The following LPP variants were observed in gnomAD, a reference collection of about 807,000 sequenced individuals.
LPP encodes the protein LIM domain containing preferred translocation partner in lipoma, also known as lipoma-preferred partner.
A neutral mutation model predicts 60.4 loss-of-function variants in LPP; 38 were observed. The observed-to-expected ratio is 0.63, with a 90% CI of 0.49 to 0.83. The LOEUF is 0.83. Among genes scored for constraint, LPP ranks in the 40% least tolerant of loss-of-function variants. The pLI, the probability that LPP is intolerant of heterozygous loss-of-function variation, is 0.00. For missense variants in LPP, 902 were observed against 783.6 expected (o/e 1.15, Z -1.80); for synonymous variants, 328 against 290.8 (o/e 1.13, Z -1.30).
At chr3:188,185,745 G>A (rs775043826) in intron 1 of LPP, among the ~76,000 whole-genome samples, 4 of 152,182 alleles carry the variant, frequency 2.6e-5, no homozygotes, top group Admixed American at 2.6e-4. Context: ...AACGGGCAGC[G>A]GCTTCCCTTC....
At chr3:188,508,788 G>A (rs1306684067) in intron 5 of LPP, among the ~76,000 whole-genome samples, 2 of 152,206 alleles carry the variant, frequency 1.3e-5, no homozygotes, top group South Asian at 2.1e-4. Flanking sequence ...GAATACATTA[G>A]TAAAGAATTC....
chr3:188,344,635 A>G lies in LPP; in HGVS notation c.-10+2916A>G, dbSNP rs560381399. ...GGTGCCATGTTTCCAAAATCATAGG[A>G]CAGTCCTATGACTCTACTGCACAGC... On this transcript the variant is annotated intron_variant, in intron 3 of 11. Transcript: ENST00000617246. 3.7e-4 allele frequency among the ~76,000 whole-genome samples: 57 copies of G among 152,188 alleles called. 1 individual carries two copies. Among genetic ancestry groups the G allele is most frequent in the Non-Finnish European group, 3.2e-4 (22 of 68,034 alleles).
At chr3:188,565,509 A>T (rs1225058702) in intron 6 of LPP, among the ~76,000 whole-genome samples, 4 of 151,992 alleles carry the variant, frequency 2.6e-5, no homozygotes, top group African/African-American at 7.2e-5. Context: ...TAAACTTCTG[A>T]TAAGCAAAAC....
At chr3:188,676,782 T>C (rs1312892820) in intron 7 of LPP, among the ~76,000 whole-genome samples, 2 of 152,258 alleles carry the variant, frequency 1.3e-5, no homozygotes, top group African/African-American at 4.8e-5. Context: ...CTTTGTGTAA[T>C]TGCCTCCCAA....
intron 2 of LPP, among the ~76,000 whole-genome samples, chr3:188,228,310 C>T (rs1718574606): frequency 6.6e-6 from 1 of 152,194 alleles, no homozygotes. Context: ...CCAGAGTCTG[C>T]TGGGGTCTCT....
At chr3:188,808,222 G>T (rs1749758050) in intron 9 of LPP, among the ~76,000 whole-genome samples, 1 of 152,080 alleles carries the variant, frequency 6.6e-6, no homozygotes, top group African/African-American at 2.4e-5. Context: ...TTTTGTGCCT[G>T]TACCACAGAG....
chr3:188,887,794 A>C lies in LPP; in HGVS notation c.*13315A>C, dbSNP rs1770851235. The C allele has an allele frequency of 4.8e-6, 1 of 208,950 alleles. No individual in the cohort carries two copies. The highest frequency in any genetic ancestry group is 9.7e-6 in the Non-Finnish European group (1 of 102,656). The allele number at this position is 208,950 out of a possible 1,614,324, so 12.9% of individuals were successfully genotyped here. A position where few individuals can be genotyped will look rare whatever the true frequency, so the allele number is the denominator to read the frequency against. Reference sequence around the variant, plus strand: ...ATCTTGTCACCAAGACTTTATAGTAAAGTAGTAGCAAAATTATTTTTAAAA... The same window carrying C: ...ATCTTGTCACCAAGACTTTATAGTACAGTAGTAGCAAAATTATTTTTAAAA... On this transcript the variant is annotated 3_prime_UTR_variant, in exon 12 of 12. Transcript: ENST00000617246.
intron 1 of LPP, among the ~76,000 whole-genome samples, chr3:188,219,024 G>A (rs1714771501): frequency 7.0e-6 from 1 of 143,286 alleles, no homozygotes; most frequent in Non-Finnish European, 1.5e-5. Context: ...TTACCAGGAA[G>A]ATGGGGCAGT....
At chr3:188,427,763 C>T (rs531082846) in intron 4 of LPP, among the ~76,000 whole-genome samples, 2 of 152,138 alleles carry the variant, frequency 1.3e-5, no homozygotes, top group Admixed American at 6.5e-5. Context: ...CCCCTCCCCC[C>T]ACCAAGCTGG....
intron 7 of LPP, among the ~76,000 whole-genome samples, chr3:188,672,275 G>A (rs1206447464): frequency 6.6e-6 from 1 of 151,108 alleles, no homozygotes; most frequent in Non-Finnish European, 1.5e-5. Context: ...TCAAATGTTT[G>A]TTATAAGACT....
At chr3:188,706,437 T>A (rs553162122) in intron 7 of LPP, among the ~76,000 whole-genome samples, 51 of 152,344 alleles carry the variant, frequency 3.3e-4, no homozygotes, top group African/African-American at 1.2e-3. Context: ...GTGACCAGCA[T>A]AAAATATTTT....
In LPP at chr3:188,217,735, C is replaced by G. The variant is rs1206886844; in HGVS notation, c.-189-7670C>G. On this transcript the variant is annotated intron_variant, in intron 1 of 11. Transcript: ENST00000617246. This position sits in a 1 kb window ranked among gnomAD's most constrained non-coding sequence, Gnocchi z 4.0. ...TCAGAGGGAAATGAAAATAGGTGCC[C>G]TAGGGGGTTGCCCAGATAAGCAGCT... Among the ~76,000 whole-genome samples the G allele has an allele frequency of 1.3e-5, 2 of 151,928 alleles. No homozygotes were observed. The highest frequency in any genetic ancestry group is 2.4e-5 in the African/African-American group (1 of 41,392).
At chr3:188,208,813 C>G (rs886882752) in intron 1 of LPP, among the ~76,000 whole-genome samples, 1 of 152,208 alleles carries the variant, frequency 6.6e-6, no homozygotes, top group Non-Finnish European at 1.5e-5. Context: ...TAGACATAAC[C>G]CCGTAGAACA....
chr3:188,605,154 G>C (rs1842153066), intron 6 of LPP, among the ~76,000 whole-genome samples: 1 of 152,124 alleles, frequency 6.6e-6, no homozygotes, highest in African/African-American at 2.4e-5. Context: ...AAATCACTCT[G>C]GCTACCAAAT....
intron 1 of LPP, among the ~76,000 whole-genome samples, chr3:188,157,168 A>C (rs1198139535): frequency 1.3e-5 from 2 of 152,156 alleles, no homozygotes; most frequent in Non-Finnish European, 2.9e-5. Flanking sequence ...ATGAATGTAC[A>C]GTGCTTTGCA....
intron 6 of LPP, among the ~76,000 whole-genome samples, chr3:188,582,436 C>T (rs978966277): frequency 1.3e-5 from 2 of 152,048 alleles, no homozygotes; most frequent in African/African-American, 2.4e-5. Flanking sequence ...CCACCTCGGC[C>T]TCCCAAAGTG....
chr3:188,303,067 A>G (rs1360291030), intron 2 of LPP, among the ~76,000 whole-genome samples: 1 of 152,160 alleles, frequency 6.6e-6, no homozygotes, highest in East Asian at 1.9e-4. Context: ...ACACTGTGCT[A>G]TGTGGGAAAA....
chr3:188,857,977 G>A (rs56178968), intron 9 of LPP, among the ~76,000 whole-genome samples: 3,743 of 152,192 alleles, frequency 0.025, 148 homozygotes, highest in African/African-American at 0.085. Context: ...CTGGGTTCTC[G>A]CTTTGATAAT....
At chr3:188,481,198 C>T (rs76635179) in intron 4 of LPP, among the ~76,000 whole-genome samples, 1 of 152,160 alleles carries the variant, frequency 6.6e-6, no homozygotes, top group Admixed American at 6.5e-5. Flanking sequence ...TTATGCCTCT[C>T]TCCAAGGGAA....
Sources: allele counts gnomAD v4.1 joint callset (sites outside exome capture counted in the v4.1 genomes callset), GRCh38; gene constraint gnomAD v4.1.1; non-coding constraint Gnocchi (gnomAD v3.1); transcripts MANE v1.5; gene names NCBI Gene and HGNC (gene_info 2026-07-23, HGNC 2026-07-21).